ANO9: variants seen among roughly 807,000 people sequenced by gnomAD.
ANO9 encodes anoctamin 9.
A neutral mutation model predicts 100.5 loss-of-function variants in ANO9; 80 were observed. The ratio of observed to expected loss-of-function variants is 0.80; its 90% confidence interval spans 0.66 to 0.96. ANO9 has a LOEUF of 0.96. Among genes scored for constraint, ANO9 ranks in the 40% least tolerant of loss-of-function variants. ANO9 has a pLI of 0.00. For missense variants in ANO9, 1,064 were observed against 1,072.7 expected (o/e 0.99, Z 0.11); for synonymous variants, 473 against 435.6 (o/e 1.09, Z -1.07).
At position 431,931 on chromosome 11, in the gene ANO9, A is replaced by G. The variant is rs1849041725; in HGVS notation, c.407-25T>C. 3 of 1,611,514 alleles carry G rather than the reference A, an allele frequency of 1.9e-6. No homozygotes were observed. The East Asian group carries it at 6.7e-5, about 36-fold the overall frequency. On this transcript the variant is annotated intron_variant, in intron 5 of 22. Transcript: ENST00000332826. Reference sequence around the variant, plus strand: ...TCTGGGTCACAGGGGTTCACGAGTCAGGGGGAGTGAGGTGCTGGGAGAACC... The same window carrying G: ...TCTGGGTCACAGGGGTTCACGAGTCGGGGGGAGTGAGGTGCTGGGAGAACC...
chr11:433,471 T>C lies in ANO9; in HGVS notation c.205-12A>G. On this transcript the variant is annotated splice_polypyrimidine_tract_variant and intron_variant, in intron 3 of 22. Transcript: ENST00000332826. ...TGGTCCCGGATCACCTGGGGGCACA[T>C]GGGATCCTCTATCCCACCTCAGAAC... The C allele has an allele frequency of 6.2e-7, 1 of 1,611,224 alleles. No homozygotes were observed. Among genetic ancestry groups the C allele is most frequent in the Non-Finnish European group, 8.5e-7 (1 of 1,179,032 alleles).
rs369062343 is a variant in ANO9 at position 420,464 on chromosome 11, G to T, written c.1785C>A (p.Ile595=). The change falls in exon 19 of 23, where the codon ATC becomes ATA. Residue 595 remains isoleucine (I), a splice_region_variant and synonymous_variant. Transcript: ENST00000332826. ...CATCCTGCGCCCGCCCGGTCTGACC[G>T]ATGTCCTTGGCCTTGCGCGGCACCA... The part of the protein sequence containing the change: ...RRLVPRKAKD[I]GTWLQVLETI... The T allele has an allele frequency of 3.1e-6, 5 of 1,601,662 alleles. No individual in the cohort carries two copies. In the African/African-American group the frequency reaches 4.0e-5, roughly 13 times the overall value.
intron 20 of ANO9, 86 bp downstream of exon 20, chr11:419,496 C>G: frequency 6.5e-7 from 1 of 1,537,804 alleles, no homozygotes. Flanking sequence ...CCAGCCATTC[C>G]CAGGAGAAAG....
chr11:433,303 C>A lies in ANO9; in HGVS notation c.350+11G>T. The stretch of plus-strand genomic sequence containing the variant: ...GTTCTCCTGGCCACGGCTCTGGGTG[C>A]AGCCTCTCACCTCGTGGTGACCGGG... On this transcript the variant is annotated intron_variant, in intron 4 of 22. Coordinates refer to ENST00000332826, the MANE Select transcript of ANO9 (RefSeq NM_001012302.3). The A allele has an allele frequency of 6.2e-7, 1 of 1,610,776 alleles. No homozygotes were observed. Among genetic ancestry groups the A allele is most frequent in the Non-Finnish European group, 8.5e-7 (1 of 1,178,930 alleles).
rs200394752 is a variant in ANO9 at position 418,956 on chromosome 11, G to A, written c.1968C>T (p.Ser656=). The change falls in exon 21 of 23, where the codon TCC becomes TCT. Residue 656 remains serine, a synonymous_variant. Coordinates refer to ENST00000332826, the MANE Select transcript of ANO9 (RefSeq NM_001012302.3). ...CCTGGAAGTCCTTGGTGTGGAAGAC[G>A]GACAGGCTGTGGTTGACGTAGCCCT... is the stretch of plus-strand genomic sequence containing the variant. ...CLKGYVNHSL[S]VFHTKDFQDP... is the part of the protein sequence containing the mutation. The A allele has an allele frequency of 1.8e-5, 29 of 1,613,434 alleles. No individual in the cohort carries two copies. The highest frequency in any genetic ancestry group is 1.8e-4 in the South Asian group (16 of 91,080).
chr11:432,108 G>A lies in ANO9; in HGVS notation c.351-54C>T. On this transcript the variant is annotated intron_variant, in intron 4 of 22. Transcript: ENST00000332826. This position sits in a 1 kb window ranked among gnomAD's most constrained non-coding sequence, Gnocchi z 4.8. ...GTGACCACAGTGGACCCTGCCTCCA[G>A]GTCTCAACCTGCCCTCTGGTCTGGC... The A allele has an allele frequency of 6.3e-7, 1 of 1,595,164 alleles. No homozygotes were observed. The highest frequency in any genetic ancestry group is 8.6e-7 in the Non-Finnish European group (1 of 1,166,902).
Position 419,626 on chromosome 11 carries a change from C to T in ANO9, c.1890G>A (p.Lys630=). ...CTTTCAGGCATGGGCTATAGCGGTA[C>T]TTGTAGACCACTCGGGGGATGAACT... ...TSEFIPRVVY[K]YRYSPCLKEG... Residue 630 remains lysine, a synonymous_variant, in exon 20 of 23, where the codon AAG becomes AAA. Transcript: ENST00000332826. 6.2e-7 allele frequency: 1 copy of T among 1,613,594 alleles called. No individual in the cohort carries two copies. Among genetic ancestry groups the T allele is most frequent in the Non-Finnish European group, 8.5e-7 (1 of 1,179,894 alleles).
rs931420717 is a variant in ANO9, at chr11:425,393, A to G, written c.1334+2695T>C. Reference sequence around the variant, plus strand: ...GATACAATTGATAAAGACATTCAAGAAAAAGAGGCAAGTAGAAACCCCAGG... The same window carrying G: ...GATACAATTGATAAAGACATTCAAGGAAAAGAGGCAAGTAGAAACCCCAGG... On this transcript the variant is annotated intron_variant, in intron 15 of 22. Coordinates refer to ENST00000332826, the MANE Select transcript of ANO9 (RefSeq NM_001012302.3). 9.2e-5 allele frequency among the ~76,000 whole-genome samples: 14 copies of G among 152,166 alleles called. 1 individual carries two copies. The highest frequency in any genetic ancestry group is 3.4e-4 in the African/African-American group (14 of 41,446).
intron 1 of ANO9, among the ~76,000 whole-genome samples, chr11:435,421 A>G (rs1302302027): frequency 6.6e-6 from 1 of 151,948 alleles, no homozygotes; most frequent in Non-Finnish European, 1.5e-5. Flanking sequence ...CTAGTCTAGT[A>G]TGGTGTAGTC....
At position 420,945 on chromosome 11, in the gene ANO9, G is replaced by C. The variant is rs773091273; in HGVS notation, c.1490C>G (p.Pro497Arg). 18 of 1,603,466 alleles carry C rather than the reference G, an allele frequency of 1.1e-5. No individual in the cohort carries two copies. The Middle Eastern group carries it at 5.9e-4, about 52-fold the overall frequency. Residue 497 changes from proline (P) to arginine (R), a missense_variant and splice_region_variant, in exon 17 of 23, where the codon CCG becomes CGG. Physicochemically the swap from Pro to Arg is moderately radical, Grantham distance 103. Transcript: ENST00000332826. ...TLSNCVEYLV[P>R]WVTHKCRSLR... is the part of the protein sequence containing the mutation. ...GGGCTGGGCGGGGGTCGGCACTCAC[G>C]GGACCAGGTACTCGACGCAGTTGCT...
Position 434,105 on chromosome 11 carries a change from G to A in ANO9, c.7-7C>T, listed in dbSNP as rs1849263205. On this transcript the variant is annotated splice_polypyrimidine_tract_variant and splice_region_variant and intron_variant, in intron 1 of 22. Transcript: ENST00000332826. Reference sequence around the variant, plus strand: ...TCCGGAGGCTCTCTTCGCCCTGGGGGTTTGGGGGCAGAGAAAGGGATAGGA... The same window carrying A: ...TCCGGAGGCTCTCTTCGCCCTGGGGATTTGGGGGCAGAGAAAGGGATAGGA... 2 of 1,550,096 alleles carry A rather than the reference G, an allele frequency of 1.3e-6. No individual in the cohort carries two copies. Among genetic ancestry groups the A allele is most frequent in the Non-Finnish European group, 8.7e-7 (1 of 1,146,948 alleles).
chr11:418,350 G>C lies in ANO9; in HGVS notation c.*21C>G, dbSNP rs774256376. ...GGTGGCACTGTCTCAGCTCCTGGTG[G>C]CCTCTGGACGGGCTCTGGCCCTACA... is the stretch of plus-strand genomic sequence containing the variant. On this transcript the variant is annotated 3_prime_UTR_variant, in exon 23 of 23. Transcript: ENST00000332826. The C allele has an allele frequency of 6.4e-7, 1 of 1,561,654 alleles. No homozygotes were observed. The highest frequency in any genetic ancestry group is 1.4e-5 in the African/African-American group (1 of 73,324).
intron 1 of ANO9, among the ~76,000 whole-genome samples, chr11:437,043 T>C (rs1590537844): frequency 1.9e-5 from 1 of 51,606 alleles, no homozygotes; most frequent in African/African-American, 7.9e-5. Flanking sequence ...GAGCGGGGGG[T>C]GCGTGGGGGG....
chr11:434,577 T>C (rs531220930), intron 1 of ANO9, among the ~76,000 whole-genome samples: 2 of 152,178 alleles, frequency 1.3e-5, no homozygotes, highest in African/African-American at 4.8e-5. Context: ...ACCCCTGGCC[T>C]AGCCCGTCCA....
chr11:431,457 T>A (rs190862986), intron 7 of ANO9, among the ~76,000 whole-genome samples: 4 of 24,568 alleles, frequency 1.6e-4, no homozygotes, highest in African/African-American at 2.2e-4. Context: ...GTGTGGGGGC[T>A]CCCGCGGGTA....
rs1848776658 is a variant in ANO9, at chr11:429,823, G to A, written c.772-5C>T. The A allele has an allele frequency of 1.3e-6, 2 of 1,597,850 alleles. No individual in the cohort carries two copies. The highest frequency in any genetic ancestry group is 1.1e-5 in the South Asian group (1 of 89,456). On this transcript the variant is annotated splice_polypyrimidine_tract_variant and splice_region_variant and intron_variant, in intron 9 of 22. Transcript: ENST00000332826. ...ATTGTCAAAGAGGTGGGTGAGCTGG[G>A]GGGGTGATAGGTGGGCCGGAGAGGA...
intron 20 of ANO9, 21 bp from the exon 21 acceptor site, chr11:419,010 T>C (rs776499926): frequency 1.3e-6 from 2 of 1,567,178 alleles, no homozygotes; most frequent in Non-Finnish European, 1.7e-6. Flanking sequence ...GGGAGAGGAG[T>C]GTGGGGTGGG....
rs768586072 is a variant in ANO9 at position 430,331 on chromosome 11, G to A, written c.612C>T (p.Ala204=). The change falls in exon 8 of 23, where the codon GCC becomes GCT. Residue 204 remains alanine, a synonymous_variant. Transcript: ENST00000332826. ...LGWYTYMLVP[A]ALTGLLVFLS... ...GAAAGACTAAGAGGCCCGTCAGGGC[G>A]GCCGGCACCAGCATGTAGGTGTACC... 1.3e-5 allele frequency: 21 copies of A among 1,609,974 alleles called. No individual in the cohort carries two copies. The highest frequency in any genetic ancestry group is 8.1e-5 in the African/African-American group (6 of 74,252).
rs558794488 is a variant in ANO9, at chr11:428,414, A to G, written c.1186-20T>C. 7.1e-5 allele frequency: 115 copies of G among 1,612,652 alleles called. 1 individual carries two copies. The South Asian group carries it at 9.7e-4, about 14-fold the overall frequency. ...GTTGATCTGCGGAGGAGGGCACCGAATGGGCTCACTGGGGCTCCGGTGGAC... is the reference window on the plus strand; with the variant it reads ...GTTGATCTGCGGAGGAGGGCACCGAGTGGGCTCACTGGGGCTCCGGTGGAC... On this transcript the variant is annotated intron_variant, in intron 13 of 22. Transcript: ENST00000332826.
Sources: allele counts gnomAD v4.1 joint callset (sites outside exome capture counted in the v4.1 genomes callset), GRCh38; gene constraint gnomAD v4.1.1; non-coding constraint Gnocchi (gnomAD v3.1); transcripts MANE v1.5; gene names NCBI Gene and HGNC (gene_info 2026-07-23, HGNC 2026-07-21).